Variants in SPAG16 observed in about 807,000 individuals in gnomAD.
SPAG16 encodes the protein sperm-associated antigen 16 protein.
In SPAG16, 86 loss-of-function variants were observed where a neutral mutation model predicts 80.4. That is an observed-to-expected ratio of 1.07 (90% CI 0.90 to 1.28). The LOEUF is 1.28. Among genes scored for constraint, SPAG16 ranks in the 50% most tolerant of loss-of-function variants. The pLI is 0.00. For synonymous variants in SPAG16, 294 were observed against 265.9 expected (o/e 1.11, Z -1.03); for missense variants, 870 against 765.3 (o/e 1.14, Z -1.61).
intron 11 of SPAG16, among the ~76,000 whole-genome samples, chr2:213,886,468 A>G (rs10174173): frequency 0.59 from 90,109 of 151,620 alleles, 28,651 homozygotes; most frequent in South Asian, 0.85. Flanking sequence ...ACTGCATTTT[A>G]AGGTGTCACT....
intron 14 of SPAG16, among the ~76,000 whole-genome samples, chr2:214,131,613 G>A (rs1402784718): frequency 7.6e-6 from 1 of 132,206 alleles, no homozygotes; most frequent in African/African-American, 2.6e-5. Context: ...ACAATGGAAT[G>A]TTACTCGGGA....
intron 13 of SPAG16, among the ~76,000 whole-genome samples, chr2:214,064,193 A>G (rs1383617914): frequency 1.3e-5 from 2 of 152,166 alleles, no homozygotes; most frequent in Non-Finnish European, 2.9e-5. Flanking sequence ...TTTATAAAGA[A>G]AGCATAATAT....
At chr2:213,361,068 G>A (rs976827981) in intron 7 of SPAG16, among the ~76,000 whole-genome samples, 3 of 151,876 alleles carry the variant, frequency 2.0e-5, no homozygotes, top group Non-Finnish European at 4.4e-5. Context: ...TATCTAGTTT[G>A]CATATGAAAG....
intron 15 of SPAG16, among the ~76,000 whole-genome samples, chr2:214,179,319 C>A (rs1312985299): frequency 6.6e-6 from 1 of 150,964 alleles, no homozygotes; most frequent in Non-Finnish European, 1.5e-5. Context: ...ATATTGTAAG[C>A]ATACGAAATG....
intron 10 of SPAG16, among the ~76,000 whole-genome samples, chr2:213,691,823 G>T (rs879903616): frequency 8.5e-5 from 13 of 152,092 alleles, no homozygotes. Flanking sequence ...ATTGTTTGTT[G>T]TGCTCTCTGA....
chr2:213,833,919 G>A (rs1217571418), intron 10 of SPAG16, among the ~76,000 whole-genome samples: 2 of 151,718 alleles, frequency 1.3e-5, no homozygotes, highest in African/African-American at 4.8e-5. Context: ...GATATGGTTT[G>A]GCTGTGTCTG....
chr2:213,540,732 ATATAATTATGCATTT>A (rs1166165932), intron 10 of SPAG16, among the ~76,000 whole-genome samples: 1 of 152,278 alleles, frequency 6.6e-6, no homozygotes, highest in Non-Finnish European at 1.5e-5. Flanking sequence ...GTGAAATAGC[ATATAATTATGCATTT>A]TAATTAAAGT....
At chr2:213,818,592 T>TGGTGAA (rs2072725206) in intron 10 of SPAG16, among the ~76,000 whole-genome samples, 1 of 152,076 alleles carries the variant, frequency 6.6e-6, no homozygotes, top group South Asian at 2.1e-4. Context: ...CAGTGAACCC[T>TGGTGAA]CAGAGATGGT....
At chr2:213,966,032 G>A (rs1174251251) in intron 12 of SPAG16, among the ~76,000 whole-genome samples, 1 of 152,194 alleles carries the variant, frequency 6.6e-6, no homozygotes, top group Non-Finnish European at 1.5e-5. Flanking sequence ...GATGGAGAAA[G>A]GAAGCCTGAG....
intron 10 of SPAG16, among the ~76,000 whole-genome samples, chr2:213,702,982 C>T (rs574277954): frequency 1.7e-4 from 26 of 152,226 alleles, no homozygotes; most frequent in Middle Eastern, 3.4e-3. Context: ...ATTATACCTG[C>T]CCACAATGTG....
At chr2:213,630,847 T>C (rs2062124093) in intron 10 of SPAG16, among the ~76,000 whole-genome samples, 2 of 152,208 alleles carry the variant, frequency 1.3e-5, no homozygotes, top group African/African-American at 4.8e-5. Context: ...GGCAACGGTC[T>C]ACCTGGGACA....
At chr2:214,173,330 C>T (rs1379423289) in intron 15 of SPAG16, among the ~76,000 whole-genome samples, 1 of 152,056 alleles carries the variant, frequency 6.6e-6, no homozygotes, top group Admixed American at 6.6e-5. Context: ...AGCCAGTTTT[C>T]CCAGCACCAT....
chr2:213,999,077 C>T (rs2046663500), intron 12 of SPAG16, among the ~76,000 whole-genome samples: 1 of 152,170 alleles, frequency 6.6e-6, no homozygotes, highest in South Asian at 2.1e-4. Context: ...GAAATTCAAG[C>T]CAGCTGCAGA....
chr2:213,950,254 C>A (rs1031140885), intron 12 of SPAG16, among the ~76,000 whole-genome samples: 9 of 152,116 alleles, frequency 5.9e-5, no homozygotes, highest in Non-Finnish European at 2.9e-5. Context: ...GCAGTCTTTG[C>A]AAATGTATCT....
intron 11 of SPAG16, among the ~76,000 whole-genome samples, chr2:213,898,958 T>C (rs1304601838): frequency 6.6e-6 from 1 of 152,042 alleles, no homozygotes; most frequent in East Asian, 1.9e-4. Context: ...AGTCAAAGGA[T>C]AAGAAAGAGT....
At chr2:213,457,826 A>G (rs771387466) in intron 9 of SPAG16, among the ~76,000 whole-genome samples, 1 of 152,054 alleles carries the variant, frequency 6.6e-6, no homozygotes, top group Non-Finnish European at 1.5e-5. Flanking sequence ...ATTAGATGAC[A>G]TATTGGGATA....
At chr2:213,983,398 A>T in intron 12 of SPAG16, among the ~76,000 whole-genome samples, 1 of 151,950 alleles carries the variant, frequency 6.6e-6, no homozygotes, top group East Asian at 1.9e-4. Flanking sequence ...CTTTATGCCA[A>T]ACTGTGGTAT....
At chr2:214,337,669 T>C (rs1697393308) in intron 15 of SPAG16, among the ~76,000 whole-genome samples, 1 of 152,204 alleles carries the variant, frequency 6.6e-6, no homozygotes, top group Admixed American at 6.5e-5. Flanking sequence ...GATCCAATGC[T>C]GGTTCACATT....
At chr2:213,342,258 C>T (rs2064723442) in intron 6 of SPAG16, among the ~76,000 whole-genome samples, 1 of 147,738 alleles carries the variant, frequency 6.8e-6, no homozygotes, top group East Asian at 2.0e-4. Context: ...TAGTATGCAG[C>T]AAAGTGTATA....
Sources: gnomAD v4.1 joint callset for allele counts (sites outside exome capture counted in the v4.1 genomes callset) on GRCh38, gnomAD v4.1.1 for gene constraint, MANE v1.5 for transcripts, NCBI Gene and HGNC (gene_info 2026-07-23, HGNC 2026-07-21) for gene names.